The following TRIO variants were observed in gnomAD, a reference collection of about 807,000 sequenced individuals.
TRIO encodes trio Rho guanine nucleotide exchange factor.
A neutral mutation model predicts 351.9 loss-of-function variants in TRIO; 58 were observed. The ratio of observed to expected loss-of-function variants is 0.16; its 90% CI spans 0.13 to 0.21. The LOEUF (loss-of-function observed/expected upper bound fraction) is 0.21, where lower values mean the gene tolerates loss of function less well. Ranked by LOEUF, TRIO falls within the 10% of genes least tolerant of loss-of-function variation. The pLI is 1.00. For missense variants in TRIO, 3,201 were observed against 4,027.8 expected, an observed-to-expected ratio of 0.79 and a Z score of 5.56; for synonymous variants, 1,758 against 1,595.7, an observed-to-expected ratio of 1.10 and a Z score of -2.42.
At chr5:14,228,955 T>G (rs1180791802) in intron 1 of TRIO, among the ~76,000 whole-genome samples, 1 of 152,132 alleles carries the variant, frequency 6.6e-6, no homozygotes, top group African/African-American at 2.4e-5. Context: ...ATAAACAAAA[T>G]TAGGCAGAGA....
At chr5:14,230,785 G>A (rs372345021) in intron 1 of TRIO, among the ~76,000 whole-genome samples, 2 of 152,102 alleles carry the variant, frequency 1.3e-5, no homozygotes, top group Non-Finnish European at 2.9e-5. Flanking sequence ...GTTTTGTAAG[G>A]TGTGTTGAAA....
chr5:14,449,147 T>A (rs981649362), intron 34 of TRIO, among the ~76,000 whole-genome samples: 2 of 152,150 alleles, frequency 1.3e-5, no homozygotes, highest in Non-Finnish European at 1.5e-5. Context: ...ACATCGTGGT[T>A]TTTAACAATG....
chr5:14,323,567 G>A (rs1740092969), intron 9 of TRIO, among the ~76,000 whole-genome samples: 1 of 152,172 alleles, frequency 6.6e-6, no homozygotes, highest in South Asian at 2.1e-4. Flanking sequence ...AATGGAAAGG[G>A]AAAAGGAGCT....
intron 13 of TRIO, among the ~76,000 whole-genome samples, chr5:14,360,472 C>G (rs1744048364): frequency 6.6e-6 from 1 of 152,230 alleles, no homozygotes; most frequent in Non-Finnish European, 1.5e-5. Flanking sequence ...AAGGCCTCCT[C>G]CACATACCTC....
intron 7 of TRIO, among the ~76,000 whole-genome samples, chr5:14,298,191 C>A (rs768146497): frequency 1.1e-4 from 17 of 152,184 alleles, no homozygotes; most frequent in Non-Finnish European, 1.6e-4. Context: ...GTCAAAATTT[C>A]TAGTTTAAGA....
chr5:14,384,812 C>T (rs1230720103), intron 21 of TRIO, among the ~76,000 whole-genome samples: 1 of 151,992 alleles, frequency 6.6e-6, no homozygotes, highest in Non-Finnish European at 1.5e-5. Flanking sequence ...CAAGACAGTC[C>T]ACCATAAGGA....
At chr5:14,368,632 CTG>C in intron 16 of TRIO, 74 bp from the exon 17 acceptor site, 8 of 1,477,576 alleles carry the variant, frequency 5.4e-6, no homozygotes, top group Non-Finnish European at 7.4e-6. Flanking sequence ...AACAGAGTAA[CTG>C]TAGCCATCCT....
chr5:14,496,850 A>G (rs762431368), intron 49 of TRIO, 29 bp from the exon 50 acceptor site: 2 of 1,611,760 alleles, frequency 1.2e-6, no homozygotes, highest in Admixed American at 3.3e-5. Context: ...GGAAAGGCAT[A>G]ATACCCACAG....
At chr5:14,237,905 A>C (rs962359242) in intron 1 of TRIO, among the ~76,000 whole-genome samples, 1 of 152,130 alleles carries the variant, frequency 6.6e-6, no homozygotes, top group Non-Finnish European at 1.5e-5. Flanking sequence ...TGACTCATCA[A>C]ATTTTCTTCT....
chr5:14,369,461 G>A lies in TRIO; in HGVS notation c.3154G>A (p.Glu1052Lys). The A allele has an allele frequency of 6.2e-7, 1 of 1,614,138 alleles. No individual in the cohort carries two copies. Among genetic ancestry groups the A allele is most frequent in the Non-Finnish European group, 8.5e-7 (1 of 1,180,032 alleles). The change falls in exon 18 of 57, where the codon GAG becomes AAG. Residue 1052 changes from glutamate (E) to lysine (K), a missense_variant. Glu to Lys is a moderately conservative substitution (Grantham distance 56). This residue lies in a region of TRIO where 363 missense variants were observed against 553.5 expected (regional missense o/e 0.66). Transcript: ENST00000344204. Reference sequence around the variant, plus strand: ...GGCGGATAAGCTGGGCCCAAACTCTGAGACGGACCACGTGACGCCCATGAT... The same window carrying A: ...GGCGGATAAGCTGGGCCCAAACTCTAAGACGGACCACGTGACGCCCATGAT... ...GGADKLGPNSETDHVTPMISK... is the reference protein window; with the variant it reads ...GGADKLGPNSKTDHVTPMISK...
intron 52 of TRIO, 59 bp downstream of exon 52, chr5:14,498,310 G>A: frequency 1.3e-5 from 20 of 1,589,490 alleles, no homozygotes; most frequent in Non-Finnish European, 1.6e-5. Flanking sequence ...TTGTCACTTG[G>A]CAACTGGAAA....
At chr5:14,433,472 T>C (rs1181487554) in intron 34 of TRIO, among the ~76,000 whole-genome samples, 1 of 152,218 alleles carries the variant, frequency 6.6e-6, no homozygotes, top group East Asian at 1.9e-4. Flanking sequence ...ATCCTGGTGG[T>C]GCAGCTGTGC....
chr5:14,352,800 C>T (rs1301804793), intron 11 of TRIO, among the ~76,000 whole-genome samples: 1 of 152,128 alleles, frequency 6.6e-6, no homozygotes, highest in African/African-American at 2.4e-5. Context: ...TCAGTACCCG[C>T]GCTGGTTTCA....
In TRIO at chr5:14,336,597, A is replaced by G; in HGVS notation, c.1916A>G (p.Glu639Gly). ...EAAEQLAQTG[E>G]CDPEEIYQAA... is the part of the protein sequence containing the mutation. ...GCAGAACAGCTGGCTCAGACTGGGG[A>G]ATGTGACCCCGAAGAGATTTATCAG... The change falls in exon 11 of 57, where the codon GAA becomes GGA. Residue 639 changes from glutamate to glycine, a missense_variant. Glu to Gly is a moderately conservative substitution (Grantham distance 98). Transcript: ENST00000344204. 6.2e-7 allele frequency: 1 copy of G among 1,614,156 alleles called. No homozygotes were observed. Among genetic ancestry groups the G allele is most frequent in the Middle Eastern group, 1.6e-4 (1 of 6,062 alleles).
intron 10 of TRIO, among the ~76,000 whole-genome samples, chr5:14,332,271 C>T (rs900653393): frequency 2.6e-5 from 4 of 152,178 alleles, no homozygotes; most frequent in East Asian, 1.9e-4. Flanking sequence ...GTATGTGCCA[C>T]GTAATTATCT....
intron 11 of TRIO, among the ~76,000 whole-genome samples, chr5:14,352,425 C>T (rs1022923712): frequency 2.0e-5 from 3 of 152,208 alleles, no homozygotes; most frequent in African/African-American, 4.8e-5. Flanking sequence ...CCCAGAAGTA[C>T]AATTTTTCCT....
intron 8 of TRIO, among the ~76,000 whole-genome samples, chr5:14,311,078 C>T (rs139598674): frequency 1.2e-4 from 18 of 152,342 alleles, no homozygotes; most frequent in African/African-American, 4.3e-4. Flanking sequence ...GCCATAGTAT[C>T]AGAGCCAACA....
chr5:14,145,106 GC>G (rs1787423787), intron 1 of TRIO, among the ~76,000 whole-genome samples: 2 of 152,136 alleles, frequency 1.3e-5, no homozygotes, highest in Admixed American at 1.3e-4. Context: ...GGCCGGGGGA[GC>G]GGCCCTGCGC....
intron 11 of TRIO, among the ~76,000 whole-genome samples, chr5:14,343,598 C>T (rs1742143588): frequency 6.6e-6 from 1 of 152,154 alleles, no homozygotes; most frequent in African/African-American, 2.4e-5. Context: ...TAGTTCCTTC[C>T]TCTTTATTGC....
Sources: gnomAD v4.1 joint callset for allele counts (sites outside exome capture counted in the v4.1 genomes callset) on GRCh38, gnomAD v4.1.1 for gene constraint, gnomAD v4.1.1 regional missense constraint, MANE v1.5 for transcripts, NCBI Gene and HGNC (gene_info 2026-07-23, HGNC 2026-07-21) for gene names.